The following CDC42BPA variants were observed in gnomAD, a reference collection of about 807,000 sequenced individuals.
The protein encoded by CDC42BPA is serine/threonine-protein kinase MRCK alpha.
CDC42BPA carries 80 observed loss-of-function variants against 223.5 expected under a neutral mutation model. That is an observed-to-expected ratio of 0.36 (90% confidence interval 0.30 to 0.43). CDC42BPA has a LOEUF of 0.43. Among genes scored for constraint, CDC42BPA ranks in the 20% least tolerant of loss-of-function variants. CDC42BPA has a pLI of 1.00. For missense variants in CDC42BPA, 1,743 were observed against 2,099.9 expected (o/e 0.83, Z 3.32); for synonymous variants, 694 against 718.6 (o/e 0.97, Z 0.55).
intron 2 of CDC42BPA, among the ~76,000 whole-genome samples, chr1:227,241,702 C>T (rs1183621400): frequency 6.6e-6 from 1 of 152,042 alleles, no homozygotes; most frequent in Non-Finnish European, 1.5e-5. Flanking sequence ...AGAAAACTTC[C>T]CAGGGTGACA....
At chr1:227,232,692 T>A (rs1376943977) in intron 2 of CDC42BPA, among the ~76,000 whole-genome samples, 1 of 152,236 alleles carries the variant, frequency 6.6e-6, no homozygotes, top group Non-Finnish European at 1.5e-5. Flanking sequence ...CCAGACCATT[T>A]GCCTAGGTAT....
intron 6 of CDC42BPA, among the ~76,000 whole-genome samples, chr1:227,156,120 GTTTT>G (rs56169233): frequency 6.9e-6 from 1 of 145,324 alleles, no homozygotes; most frequent in African/African-American, 2.5e-5. Flanking sequence ...CTTCATTATA[GTTTT>G]TTTTTTGTTT....
chr1:227,243,124 A>G (rs900980353), intron 2 of CDC42BPA, among the ~76,000 whole-genome samples: 1 of 152,208 alleles, frequency 6.6e-6, no homozygotes, highest in Non-Finnish European at 1.5e-5. Flanking sequence ...CTAAATGATG[A>G]GTACACATGG....
At chr1:227,017,137 A>G in intron 32 of CDC42BPA, 87 bp from the exon 33 acceptor site, 3 of 1,222,584 alleles carry the variant, frequency 2.5e-6, no homozygotes, top group Non-Finnish European at 2.3e-6. Flanking sequence ...CAGTACAAAC[A>G]TTGATAGTAC....
intron 6 of CDC42BPA, among the ~76,000 whole-genome samples, chr1:227,151,142 C>T (rs1421721578): frequency 1.3e-5 from 2 of 152,102 alleles, no homozygotes; most frequent in Non-Finnish European, 1.5e-5. Context: ...ACTCTGTACC[C>T]ATCAGTAATT....
intron 1 of CDC42BPA, among the ~76,000 whole-genome samples, chr1:227,289,169 T>C (rs992366213): frequency 6.6e-6 from 1 of 152,178 alleles, no homozygotes; most frequent in African/African-American, 2.4e-5. Flanking sequence ...GTTACCCTTT[T>C]AAAGCATAAA....
At chr1:227,008,407 T>C (rs1375669230) in intron 34 of CDC42BPA, among the ~76,000 whole-genome samples, 4 of 152,158 alleles carry the variant, frequency 2.6e-5, no homozygotes, top group East Asian at 1.9e-4. Context: ...CAGAATACAA[T>C]GAAATCAGCA....
intron 34 of CDC42BPA, among the ~76,000 whole-genome samples, chr1:227,012,658 A>G (rs1665447501): frequency 1.3e-5 from 2 of 152,204 alleles, no homozygotes. Flanking sequence ...AATAGATGAC[A>G]ACATGTGGCT....
At chr1:227,101,297 A>G in intron 14 of CDC42BPA, 58 bp from the exon 15 acceptor site, 1 of 1,074,486 alleles carries the variant, frequency 9.3e-7, no homozygotes, top group Non-Finnish European at 1.3e-6. Flanking sequence ...ATATTTAAAT[A>G]ACTTCTTTCT....
intron 1 of CDC42BPA, among the ~76,000 whole-genome samples, chr1:227,301,565 G>A (rs1252684657): frequency 6.6e-6 from 1 of 152,042 alleles, no homozygotes; most frequent in African/African-American, 2.4e-5. Flanking sequence ...TCACTATGTT[G>A]GCTAGGATGG....
At chr1:227,197,622 T>C (rs1670968227) in intron 4 of CDC42BPA, among the ~76,000 whole-genome samples, 1 of 152,144 alleles carries the variant, frequency 6.6e-6, no homozygotes, top group South Asian at 2.1e-4. Flanking sequence ...GGTATTTGGG[T>C]ACTTTATTTC....
chr1:227,018,700 T>G lies in CDC42BPA; in HGVS notation c.4616-1650A>C, dbSNP rs113822825. On this transcript the variant is annotated intron_variant, in intron 32 of 36. Coordinates refer to ENST00000366766, the MANE Select transcript of CDC42BPA (RefSeq NM_001394014.1). ...ACCTTGGAAAAAGTGCAGGTTCAATTTGAGACCACATAATAAAACAAATAT... is the reference window on the plus strand; with the variant it reads ...ACCTTGGAAAAAGTGCAGGTTCAATGTGAGACCACATAATAAAACAAATAT... Among the ~76,000 whole-genome samples, 658 of 152,310 alleles carry G rather than the reference T, an allele frequency of 4.3e-3. 6 individuals are homozygous for G. Among genetic ancestry groups the G allele is most frequent in the African/African-American group, 0.015 (635 of 41,562 alleles).
At chr1:226,997,894 T>C (rs1360031515) in intron 35 of CDC42BPA, among the ~76,000 whole-genome samples, 1 of 152,216 alleles carries the variant, frequency 6.6e-6, no homozygotes, top group Admixed American at 6.5e-5. Flanking sequence ...ATAAGTGTGA[T>C]GTGGTGCTGA....
chr1:227,304,303 G>A (rs1692180751), intron 1 of CDC42BPA, among the ~76,000 whole-genome samples: 1 of 152,028 alleles, frequency 6.6e-6, no homozygotes. Context: ...CTACTCAGGA[G>A]GCTGAGGCAG....
In CDC42BPA at chr1:227,318,256, G is replaced by A. The variant is rs73102304; in HGVS notation, c.-1074C>T. On this transcript the variant is annotated 5_prime_UTR_variant, in exon 1 of 37. Coordinates refer to ENST00000366766, the MANE Select transcript of CDC42BPA (RefSeq NM_001394014.1). ...TTCTCCCCCTTCTTCACACCCCTGG[G>A]CTAAGGGCATCTTTCCACAGCGAGG... The A allele has an allele frequency of 0.058, 8,682 of 150,614 alleles. 820 individuals carry two copies. Among genetic ancestry groups the A allele is most frequent in the African/African-American group, 0.2 (8,073 of 40,532 alleles). The allele number at this position is 150,614 out of a possible 1,614,324, so 9.3% of individuals were successfully genotyped here. A position where few individuals can be genotyped will look rare whatever the true frequency, so the allele number is the denominator to read the frequency against.
At chr1:227,121,788 A>T (rs1469448399) in intron 11 of CDC42BPA, among the ~76,000 whole-genome samples, 1 of 149,824 alleles carries the variant, frequency 6.7e-6, no homozygotes, top group Non-Finnish European at 1.5e-5. Flanking sequence ...GGATACCAAC[A>T]ATTTCTTTTT....
At chr1:227,285,085 C>T (rs1347693167) in intron 1 of CDC42BPA, among the ~76,000 whole-genome samples, 1 of 152,086 alleles carries the variant, frequency 6.6e-6, no homozygotes, top group African/African-American at 2.4e-5. Context: ...CCCCACCTGA[C>T]AAAATTCTTG....
chr1:227,043,390 C>T (rs902076073), intron 23 of CDC42BPA, among the ~76,000 whole-genome samples: 4 of 142,096 alleles, frequency 2.8e-5, no homozygotes, highest in African/African-American at 5.3e-5. Flanking sequence ...TCCGGCCTGG[C>T]GACAAAACGA....
chr1:227,011,092 A>T (rs1484475596), intron 34 of CDC42BPA: 3 of 1,233,016 alleles, frequency 2.4e-6, no homozygotes, highest in Non-Finnish European at 3.2e-6. Context: ...AGATGAAAAA[A>T]GGCAATAAGG....
Sources: allele counts gnomAD v4.1 joint callset (sites outside exome capture counted in the v4.1 genomes callset), GRCh38; gene constraint gnomAD v4.1.1; transcripts MANE v1.5; gene names NCBI Gene and HGNC (gene_info 2026-07-23, HGNC 2026-07-21).